The following LGR5 variants were observed in gnomAD, a reference collection of about 807,000 sequenced individuals.
LGR5 encodes leucine-rich repeat-containing G protein-coupled receptor 5.
Under a neutral mutation model 76.7 loss-of-function variants are expected in LGR5, and 54 were observed. That is an observed-to-expected ratio of 0.70 (90% CI 0.57 to 0.88). LGR5 has a LOEUF of 0.88. Ranked by LOEUF, LGR5 falls within the 40% of genes least tolerant of loss-of-function variation. The probability of loss-of-function intolerance (pLI) is 0.00; values close to 1 mark genes in which losing one functional copy is unlikely to be tolerated. For missense variants in LGR5, 1,078 were observed against 1,073.3 expected, an observed-to-expected ratio of 1.00 and a Z score of -0.06; for synonymous variants, 406 against 421.9, an observed-to-expected ratio of 0.96 and a Z score of 0.46.
intron 1 of LGR5, among the ~76,000 whole-genome samples, chr12:71,465,956 C>A (rs753547855): frequency 3.0e-4 from 46 of 152,336 alleles, no homozygotes; most frequent in East Asian, 1.3e-3. Context: ...CTCTTCCATA[C>A]TCCTTTCCAT....
At chr12:71,563,500 C>G (rs1297995680) in intron 8 of LGR5, among the ~76,000 whole-genome samples, 3 of 152,176 alleles carry the variant, frequency 2.0e-5, no homozygotes, top group Non-Finnish European at 4.4e-5. Context: ...ACACTAAATG[C>G]AAACTCCTCA....
intron 1 of LGR5, among the ~76,000 whole-genome samples, chr12:71,448,084 A>AACAC (rs35911721): frequency 0.012 from 1,727 of 145,646 alleles, 19 homozygotes; most frequent in African/African-American, 0.023. Context: ...CACACACACA[A>AACAC]ACACACACAC....
chr12:71,535,070 T>A, intron 3 of LGR5, 45 bp from the exon 4 acceptor site: 2 of 1,378,344 alleles, frequency 1.5e-6, no homozygotes, highest in Non-Finnish European at 1.0e-6. Flanking sequence ...GGCCTGTTAT[T>A]GTTCATTTTT....
chr12:71,461,794 C>T (rs1872695480), intron 1 of LGR5, among the ~76,000 whole-genome samples: 2 of 152,122 alleles, frequency 1.3e-5, no homozygotes, highest in South Asian at 2.1e-4. Flanking sequence ...CCACCAATGA[C>T]CTCCTACTGT....
In LGR5 at chr12:71,584,663, G is replaced by A. The variant is rs61737422; in HGVS notation, c.2653G>A (p.Val885Met). The A allele has an allele frequency of 1.9e-3, 3,095 of 1,614,088 alleles. 46 individuals carry two copies. In the African/African-American group the frequency reaches 0.034, roughly 18 times the overall value. The change falls in exon 18 of 18, where the codon GTG becomes ATG. Residue 885 changes from valine to methionine, a missense_variant. Physicochemically the swap from Val to Met is conservative, Grantham distance 21 (BLOSUM62 1). Coordinates refer to ENST00000266674, the MANE Select transcript of LGR5 (RefSeq NM_003667.4). ...SITYDLPPSS[V>M]PSPAYPVTES... ...CACTTATGACCTGCCTCCCAGTTCC[G>A]TGCCATCACCAGCTTATCCAGTGAC...
Position 71,582,457 on chromosome 12 carries a change from T to C in LGR5, c.1554T>C (p.Asp518=), listed in dbSNP as rs1241806667. The C allele has an allele frequency of 6.2e-7, 1 of 1,613,926 alleles. No individual in the cohort carries two copies. The highest frequency in any genetic ancestry group is 1.1e-5 in the South Asian group (1 of 91,086). Residue 518 remains aspartate (D), a splice_region_variant and synonymous_variant, in exon 17 of 18, where the codon GAT becomes GAC. Coordinates refer to ENST00000266674, the MANE Select transcript of LGR5 (RefSeq NM_003667.4). The part of the protein sequence containing the change: ...KKDAGMFQAQ[D]ERDLEDFLLD... ...ATTCCAGGACTTCTTGTGCTGCAGA[T>C]GAACGTGACCTTGAAGATTTCCTGC...
chr12:71,552,744 T>C (rs917655787), intron 4 of LGR5, among the ~76,000 whole-genome samples: 7 of 152,106 alleles, frequency 4.6e-5, no homozygotes, highest in African/African-American at 1.7e-4. Context: ...TCTATGCTAG[T>C]GTCAGAAAGA....
At chr12:71,582,047 G>A (rs1047012322) in intron 16 of LGR5, among the ~76,000 whole-genome samples, 2 of 152,112 alleles carry the variant, frequency 1.3e-5, no homozygotes, top group Non-Finnish European at 2.9e-5. Flanking sequence ...CTGATTCTCT[G>A]GTGTTCAGAG....
chr12:71,545,931 T>A (rs1244415729), intron 4 of LGR5, among the ~76,000 whole-genome samples: 1 of 152,112 alleles, frequency 6.6e-6, no homozygotes, highest in Admixed American at 6.5e-5. Context: ...AAAGAGAAAA[T>A]TTGCATTATT....
intron 7 of LGR5, 120 bp from the exon 8 acceptor site, chr12:71,561,661 T>C (rs886358082): frequency 2.0e-6 from 1 of 497,216 alleles, no homozygotes; most frequent in African/African-American, 2.0e-5. Flanking sequence ...CATAGAGGAA[T>C]TTAATATTGT....
At chr12:71,469,623 G>A (rs1309591141) in intron 1 of LGR5, among the ~76,000 whole-genome samples, 1 of 152,214 alleles carries the variant, frequency 6.6e-6, no homozygotes, top group Non-Finnish European at 1.5e-5. Flanking sequence ...CGGAGAAACT[G>A]AGAAAATCCA....
At chr12:71,562,119 C>A (rs1440676523) in intron 8 of LGR5, among the ~76,000 whole-genome samples, 1 of 151,986 alleles carries the variant, frequency 6.6e-6, no homozygotes, top group Non-Finnish European at 1.5e-5. Context: ...CTTTTGATTA[C>A]CTCTATTTTC....
At chr12:71,558,173 A>T (rs1428149027) in intron 6 of LGR5, among the ~76,000 whole-genome samples, 4 of 152,214 alleles carry the variant, frequency 2.6e-5, no homozygotes, top group African/African-American at 9.7e-5. Flanking sequence ...TGCTAGGAAA[A>T]ATTAGAACTC....
chr12:71,469,051 G>A (rs193080296), intron 1 of LGR5, among the ~76,000 whole-genome samples: 2 of 152,106 alleles, frequency 1.3e-5, no homozygotes, highest in East Asian at 1.9e-4. Context: ...TTGTATTTTC[G>A]TTTAGTTTAA....
chr12:71,581,011 T>C (rs1879068839), intron 16 of LGR5, among the ~76,000 whole-genome samples: 1 of 152,210 alleles, frequency 6.6e-6, no homozygotes, highest in African/African-American at 2.4e-5. Context: ...GCATATACTG[T>C]CCTCAGGGGT....
chr12:71,536,224 T>G (rs1346140854), intron 4 of LGR5, among the ~76,000 whole-genome samples: 1 of 152,228 alleles, frequency 6.6e-6, no homozygotes, highest in African/African-American at 2.4e-5. Context: ...AAAATTGTTG[T>G]AAAGAATCCT....
chr12:71,515,069 A>G (rs1437897285), intron 2 of LGR5, among the ~76,000 whole-genome samples: 2 of 152,202 alleles, frequency 1.3e-5, no homozygotes, highest in Non-Finnish European at 2.9e-5. Flanking sequence ...GGCACCTTGT[A>G]AAAGAAAACC....
intron 11 of LGR5, 162 bp from the exon 12 acceptor site, chr12:71,571,352 T>G (rs1878601487): frequency 2.0e-6 from 1 of 512,064 alleles, no homozygotes; most frequent in African/African-American, 1.9e-5. Context: ...TACTGGTTAA[T>G]CCAATAATGG....
chr12:71,561,372 T>C (rs750882990), intron 7 of LGR5, among the ~76,000 whole-genome samples: 5 of 152,224 alleles, frequency 3.3e-5, no homozygotes, highest in Non-Finnish European at 5.9e-5. Flanking sequence ...ACTACTTAAA[T>C]CTTTACTTCA....
Sources: gnomAD v4.1 joint callset for allele counts (sites outside exome capture counted in the v4.1 genomes callset) on GRCh38, gnomAD v4.1.1 for gene constraint, MANE v1.5 for transcripts, NCBI Gene and HGNC (gene_info 2026-07-23, HGNC 2026-07-21) for gene names.